TMEM232: variants seen among roughly 807,000 people sequenced by gnomAD.
TMEM232 encodes the protein transmembrane protein 232.
Under a neutral mutation model 78.8 loss-of-function variants are expected in TMEM232, and 80 were observed. That is an observed-to-expected ratio of 1.01 (90% confidence interval 0.85 to 1.22). The LOEUF (loss-of-function observed/expected upper bound fraction) is 1.22, where lower values mean the gene tolerates loss of function less well. TMEM232 is among the 50% of genes most tolerant of loss of function. TMEM232 has a pLI of 0.00. For missense variants in TMEM232, 881 were observed against 742.2 expected (o/e 1.19, Z -2.17); for synonymous variants, 297 against 254.3 (o/e 1.17, Z -1.60).
chr5:110,530,600 T>A lies in TMEM232; in HGVS notation c.1456-1765A>T, dbSNP rs148908703. 6.5e-3 allele frequency among the ~76,000 whole-genome samples: 997 copies of A among 152,270 alleles called. 17 individuals are homozygous for A. Among genetic ancestry groups the A allele is most frequent in the African/African-American group, 0.022 (928 of 41,568 alleles). The stretch of plus-strand genomic sequence containing the variant: ...ACAACATGGATGAACCTGGGGGACA[T>A]CATGTTAAGTGAAATAAACCAGGCA... On this transcript the variant is annotated intron_variant, in intron 11 of 13. Transcript: ENST00000455884.
At chr5:110,663,532 TG>T (rs1790092387) in intron 2 of TMEM232, among the ~76,000 whole-genome samples, 1 of 151,680 alleles carries the variant, frequency 6.6e-6, no homozygotes, top group East Asian at 1.9e-4. Flanking sequence ...AATACCCATA[TG>T]AAAAAAAACA....
chr5:110,549,831 C>T (rs539561954), intron 11 of TMEM232, among the ~76,000 whole-genome samples: 30 of 152,020 alleles, frequency 2.0e-4, no homozygotes, highest in African/African-American at 7.2e-4. Flanking sequence ...CAAAATTAGT[C>T]CACAATTTAA....
chr5:110,649,712 AG>A (rs1788026694), intron 2 of TMEM232, among the ~76,000 whole-genome samples: 1 of 152,082 alleles, frequency 6.6e-6, no homozygotes, highest in Non-Finnish European at 1.5e-5. Flanking sequence ...AATCTTTTCG[AG>A]TATGAAGGGC....
chr5:110,533,760 CCATTTCCCCA>C (rs1362452834), intron 11 of TMEM232, among the ~76,000 whole-genome samples: 10 of 152,094 alleles, frequency 6.6e-5, no homozygotes, highest in Non-Finnish European at 1.5e-4. Flanking sequence ...GACGTTCACC[CCATTTCCCCA>C]CATTTCCTTC....
At chr5:110,721,646 C>G (rs1797616306) in intron 1 of TMEM232, among the ~76,000 whole-genome samples, 1 of 18,698 alleles carries the variant, frequency 5.3e-5, no homozygotes, top group South Asian at 1.8e-3. Context: ...ATGTGTGAGT[C>G]TGCATATCAT....
chr5:110,508,022 G>A (rs1310278493), intron 12 of TMEM232, among the ~76,000 whole-genome samples: 2 of 152,298 alleles, frequency 1.3e-5, no homozygotes, highest in African/African-American at 4.8e-5. Context: ...AATTCTCTGT[G>A]ACAATGTTGG....
chr5:110,685,262 G>A (rs1793253755), intron 1 of TMEM232, among the ~76,000 whole-genome samples: 1 of 151,832 alleles, frequency 6.6e-6, no homozygotes, highest in Non-Finnish European at 1.5e-5. Flanking sequence ...AACAGCAAAG[G>A]AAAGCTAAAA....
chr5:110,713,112 GATAGTC>G (rs1796662837), intron 1 of TMEM232, among the ~76,000 whole-genome samples: 1 of 151,614 alleles, frequency 6.6e-6, no homozygotes, highest in Non-Finnish European at 1.5e-5. Flanking sequence ...CAACAATATG[GATAGTC>G]ATTATGTTAA....
At chr5:110,402,643 G>GATTGC (rs1755644005) in intron 2 of TMEM232, among the ~76,000 whole-genome samples, 1 of 152,076 alleles carries the variant, frequency 6.6e-6, no homozygotes, top group African/African-American at 2.4e-5. Flanking sequence ...AGGGAAATTG[G>GATTGC]ATTGCAAAGT....
chr5:110,725,151 A>G (rs1798030270), intron 1 of TMEM232, among the ~76,000 whole-genome samples: 1 of 152,222 alleles, frequency 6.6e-6, no homozygotes, highest in Admixed American at 6.5e-5. Context: ...ATTCTGTAAA[A>G]TACTGCTTCT....
intron 4 of TMEM232, among the ~76,000 whole-genome samples, 178 bp from the exon 5 acceptor site, chr5:110,638,533 C>T (rs770001115): frequency 6.6e-6 from 1 of 152,150 alleles, no homozygotes; most frequent in Non-Finnish European, 1.5e-5. Context: ...ATGCTCTTCT[C>T]CTTAAACTTG....
At chr5:110,392,305 A>G (rs143758453) in intron 3 of TMEM232, among the ~76,000 whole-genome samples, 7 of 152,346 alleles carry the variant, frequency 4.6e-5, no homozygotes, top group Admixed American at 2.0e-4. Flanking sequence ...AAAGGAGCCA[A>G]TGAGCAAAAG....
chr5:110,723,222 C>T (rs950548598), intron 1 of TMEM232, among the ~76,000 whole-genome samples: 1 of 152,022 alleles, frequency 6.6e-6, no homozygotes, highest in Non-Finnish European at 1.5e-5. Context: ...TCTATTTTCT[C>T]CTTTGTGAGT....
intron 12 of TMEM232, among the ~76,000 whole-genome samples, chr5:110,428,626 C>A (rs1757500149): frequency 6.6e-6 from 1 of 151,482 alleles, no homozygotes; most frequent in African/African-American, 2.4e-5. Flanking sequence ...CTAACCCCAG[C>A]ACTTACATAT....
chr5:110,445,944 C>G (rs750325796), intron 12 of TMEM232, among the ~76,000 whole-genome samples: 1 of 152,090 alleles, frequency 6.6e-6, no homozygotes, highest in Non-Finnish European at 1.5e-5. Context: ...TCACTTCTGC[C>G]ATATTCTATT....
downstream of TMEM232, chr5:110,418,188 A>G (rs1405432233): frequency 1.3e-5 from 2 of 152,164 alleles, no homozygotes; most frequent in Non-Finnish European, 1.5e-5. Flanking sequence ...ACCTTTGAAA[A>G]TAATTTTTTA....
chr5:110,526,882 C>G (rs1006489547), intron 12 of TMEM232, among the ~76,000 whole-genome samples: 1 of 151,842 alleles, frequency 6.6e-6, no homozygotes, highest in South Asian at 2.1e-4. Flanking sequence ...ATGATAATAA[C>G]TAGAAAATTC....
intron 12 of TMEM232, among the ~76,000 whole-genome samples, chr5:110,506,774 T>C (rs772023804): frequency 6.6e-6 from 1 of 152,236 alleles, no homozygotes; most frequent in Non-Finnish European, 1.5e-5. Context: ...TAGATGCATC[T>C]CTGACTGTGG....
chr5:110,612,529 G>A (rs1006361605), intron 8 of TMEM232, among the ~76,000 whole-genome samples: 1 of 152,088 alleles, frequency 6.6e-6, no homozygotes, highest in Admixed American at 6.6e-5. Context: ...TAATTAGTAG[G>A]ATCAAGGATA....
Sources: allele counts gnomAD v4.1 joint callset (sites outside exome capture counted in the v4.1 genomes callset), GRCh38; gene constraint gnomAD v4.1.1; transcripts MANE v1.5; gene names NCBI Gene and HGNC (gene_info 2026-07-23, HGNC 2026-07-21).